The following TMEM178B variants were observed in gnomAD, a reference collection of about 807,000 sequenced individuals.
The protein encoded by TMEM178B is transmembrane protein 178B.
In TMEM178B, 5 loss-of-function variants were observed where a neutral mutation model predicts 31.0. The ratio of observed to expected loss-of-function variants is 0.16; its 90% CI spans 0.08 to 0.34. TMEM178B has a LOEUF of 0.34. TMEM178B is among the 10% of genes least tolerant of loss of function. TMEM178B has a pLI of 1.00. For missense variants in TMEM178B, 275 were observed against 400.3 expected, an observed-to-expected ratio of 0.69 and a Z score of 2.67; for synonymous variants, 164 against 164.0, an observed-to-expected ratio of 1.00 and a Z score of 0.00.
At chr7:141,091,200 G>A (rs545625707) in intron 1 of TMEM178B, among the ~76,000 whole-genome samples, 1 of 152,294 alleles carries the variant, frequency 6.6e-6, no homozygotes, top group South Asian at 2.1e-4. Flanking sequence ...TCAAAATTCA[G>A]TAATAACCAT....
chr7:141,496,066 T>C, the TMEM178B span, among the ~76,000 whole-genome samples: 1 of 152,166 alleles, frequency 6.6e-6, no homozygotes, highest in Non-Finnish European at 1.5e-5. Context: ...CAGCACTTCC[T>C]TGGACCTGTG....
At chr7:141,128,098 A>G (rs1164192522) in intron 1 of TMEM178B, among the ~76,000 whole-genome samples, 1 of 152,210 alleles carries the variant, frequency 6.6e-6, no homozygotes, top group African/African-American at 2.4e-5. Context: ...AGGTGAGCAT[A>G]TAAGTTAAGT....
chr7:141,379,715 G>A (rs1800281058), intron 2 of TMEM178B, among the ~76,000 whole-genome samples: 1 of 152,162 alleles, frequency 6.6e-6, no homozygotes, highest in Admixed American at 6.5e-5. Flanking sequence ...TGGACACAGA[G>A]CTTCATAGAT....
chr7:141,223,095 C>G (rs1815788589), intron 2 of TMEM178B, among the ~76,000 whole-genome samples: 1 of 152,160 alleles, frequency 6.6e-6, no homozygotes, highest in African/African-American at 2.4e-5. Context: ...TCTAGCCCGG[C>G]CCTGCCTTCC....
intron 2 of TMEM178B, among the ~76,000 whole-genome samples, chr7:141,236,498 A>G (rs949029282): frequency 6.6e-6 from 1 of 152,236 alleles, no homozygotes; most frequent in Non-Finnish European, 1.5e-5. Context: ...CAATGTCACA[A>G]GAAGATAACA....
intron 3 of TMEM178B, among the ~76,000 whole-genome samples, chr7:141,446,576 G>A (rs1040676141): frequency 6.6e-6 from 1 of 152,178 alleles, no homozygotes; most frequent in Non-Finnish European, 1.5e-5. Flanking sequence ...CCTCTTGATT[G>A]GGGGTGAGAG....
intron 2 of TMEM178B, among the ~76,000 whole-genome samples, chr7:141,368,831 G>A (rs994760970): frequency 2.0e-5 from 3 of 152,218 alleles, no homozygotes; most frequent in African/African-American, 7.2e-5. Flanking sequence ...TCCCCTCTGT[G>A]TGGTTGTCTC....
intron 1 of TMEM178B, among the ~76,000 whole-genome samples, chr7:141,100,378 A>G (rs925476916): frequency 6.6e-6 from 1 of 152,146 alleles, no homozygotes; most frequent in South Asian, 2.1e-4. Flanking sequence ...TGCTCTCTGT[A>G]TAAGTGTAAA....
chr7:141,183,438 T>G (rs985419758), intron 1 of TMEM178B, among the ~76,000 whole-genome samples: 20 of 152,228 alleles, frequency 1.3e-4, no homozygotes, highest in African/African-American at 4.8e-4. Flanking sequence ...GTTTGAAATT[T>G]TTCTTTGTGT....
intron 1 of TMEM178B, among the ~76,000 whole-genome samples, chr7:141,212,323 A>T (rs1394761684): frequency 6.6e-6 from 1 of 152,212 alleles, no homozygotes; most frequent in Non-Finnish European, 1.5e-5. Flanking sequence ...TTTCTTGGGA[A>T]TGTTAGACAA....
At chr7:141,481,163 C>T (rs1402764593), downstream of TMEM178B, among the ~76,000 whole-genome samples, 2 of 152,214 alleles carry the variant, frequency 1.3e-5, no homozygotes, top group East Asian at 1.9e-4. Flanking sequence ...CTGCTTCTGC[C>T]GCCACCTCCA....
At chr7:141,393,794 A>T (rs1027179396) in intron 2 of TMEM178B, among the ~76,000 whole-genome samples, 2 of 152,206 alleles carry the variant, frequency 1.3e-5, no homozygotes, top group African/African-American at 4.8e-5. Context: ...GGCATGGAGA[A>T]TATTGGGTAG....
At chr7:141,501,161 G>A in the TMEM178B span, among the ~76,000 whole-genome samples, 1 of 151,904 alleles carries the variant, frequency 6.6e-6, no homozygotes, top group Non-Finnish European at 1.5e-5. Flanking sequence ...CTTTCATGGG[G>A]TTTATCCATC....
intron 2 of TMEM178B, among the ~76,000 whole-genome samples, chr7:141,421,049 C>G (rs1341200040): frequency 1.1e-4 from 17 of 152,162 alleles, no homozygotes; most frequent in Non-Finnish European, 2.4e-4. Context: ...ATCTCCCGTT[C>G]CCAGGACAGC....
intron 2 of TMEM178B, among the ~76,000 whole-genome samples, chr7:141,413,845 ATTG>A (rs1038963712): frequency 6.7e-6 from 1 of 148,766 alleles, no homozygotes; most frequent in African/African-American, 2.5e-5. Flanking sequence ...CATACTTATT[ATTG>A]TGGGGAATTT....
At chr7:141,300,235 C>T (rs184985753) in intron 2 of TMEM178B, among the ~76,000 whole-genome samples, 15 of 152,330 alleles carry the variant, frequency 9.8e-5, no homozygotes, top group African/African-American at 3.1e-4. Context: ...CCCATGACCT[C>T]GGTGTCTGTT....
At chr7:141,388,910 T>C (rs1036178355) in intron 2 of TMEM178B, among the ~76,000 whole-genome samples, 29 of 142,338 alleles carry the variant, frequency 2.0e-4, no homozygotes, top group African/African-American at 6.6e-4. Context: ...ATGTTACCAC[T>C]TTGGCAAACT....
chr7:141,244,224 G>T (rs113930569), intron 2 of TMEM178B, among the ~76,000 whole-genome samples: 1 of 152,206 alleles, frequency 6.6e-6, no homozygotes, highest in South Asian at 2.1e-4. Flanking sequence ...GAGCTTGGAA[G>T]TATGTCTATG....
chr7:141,500,115 CG>C, the TMEM178B span, among the ~76,000 whole-genome samples: 1 of 152,014 alleles, frequency 6.6e-6, no homozygotes, highest in African/African-American at 2.4e-5. Flanking sequence ...AGAATGATAA[CG>C]ATAACACATT....
Sources: allele counts gnomAD v4.1 joint callset (sites outside exome capture counted in the v4.1 genomes callset), GRCh38; gene constraint gnomAD v4.1.1; transcripts MANE v1.5; gene names NCBI Gene and HGNC (gene_info 2026-07-23, HGNC 2026-07-21).